ATRNL1: variants seen among roughly 807,000 people sequenced by gnomAD.
ATRNL1 encodes the protein attractin like 1.
A neutral mutation model predicts 182.7 loss-of-function variants in ATRNL1; 95 were observed. The observed-to-expected ratio is 0.52, with a 90% CI of 0.44 to 0.62. The LOEUF (loss-of-function observed/expected upper bound fraction) is 0.62. ATRNL1 is among the 20% of genes least tolerant of loss of function. ATRNL1 has a pLI of 0.00. For synonymous variants in ATRNL1, 576 were observed against 568.3 expected, an observed-to-expected ratio of 1.01 and a Z score of -0.19; for missense variants, 1,471 against 1,679.5, an observed-to-expected ratio of 0.88 and a Z score of 2.17.
chr10:115,899,410 G>A (rs1360433481), intron 28 of ATRNL1, among the ~76,000 whole-genome samples: 5 of 152,142 alleles, frequency 3.3e-5, no homozygotes, highest in Non-Finnish European at 5.9e-5. Context: ...CCAGGTTCAA[G>A]CGATTCTCCT....
At chr10:115,842,404 A>T (rs979604984) in intron 27 of ATRNL1, among the ~76,000 whole-genome samples, 1 of 152,112 alleles carries the variant, frequency 6.6e-6, no homozygotes, top group Non-Finnish European at 1.5e-5. Context: ...ATTTCACCAT[A>T]CTTAGACAAA....
intron 5 of ATRNL1, among the ~76,000 whole-genome samples, chr10:115,146,695 C>T (rs913387695): frequency 6.6e-6 from 1 of 152,054 alleles, no homozygotes; most frequent in Admixed American, 6.5e-5. Flanking sequence ...TTAACTCCCA[C>T]GTGTGAGTGA....
intron 10 of ATRNL1, among the ~76,000 whole-genome samples, chr10:115,263,885 C>G (rs1851495149): frequency 6.6e-6 from 1 of 151,620 alleles, no homozygotes; most frequent in Non-Finnish European, 1.5e-5. Flanking sequence ...TGGGAAAACA[C>G]TGTGTTAAAT....
intron 27 of ATRNL1, among the ~76,000 whole-genome samples, chr10:115,735,962 C>G (rs1947938101): frequency 6.6e-6 from 1 of 152,184 alleles, no homozygotes; most frequent in Admixed American, 6.5e-5. Context: ...TAGCTTTTCT[C>G]TCCAAAATCC....
At chr10:115,598,693 G>T (rs1555015005) in intron 26 of ATRNL1, among the ~76,000 whole-genome samples, 1 of 152,038 alleles carries the variant, frequency 6.6e-6, no homozygotes, top group Non-Finnish European at 1.5e-5. Flanking sequence ...CTTTATAAAA[G>T]TAACTATGTC....
intron 1 of ATRNL1, among the ~76,000 whole-genome samples, chr10:115,097,570 T>G (rs1592092539): frequency 1.3e-5 from 2 of 152,160 alleles, no homozygotes; most frequent in Admixed American, 1.3e-4. Context: ...GGAATTAGGT[T>G]GTTATTATAG....
intron 9 of ATRNL1, among the ~76,000 whole-genome samples, chr10:115,226,180 T>G (rs566478434): frequency 6.6e-6 from 1 of 152,006 alleles, no homozygotes; most frequent in African/African-American, 2.4e-5. Flanking sequence ...TCTTAATAAA[T>G]TGTTCTGGGC....
At chr10:115,698,003 ATAGAG>A (rs1359098097) in intron 26 of ATRNL1, among the ~76,000 whole-genome samples, 1 of 152,212 alleles carries the variant, frequency 6.6e-6, no homozygotes, top group Non-Finnish European at 1.5e-5. Flanking sequence ...AAAATGCCAG[ATAGAG>A]TATTTTGATT....
intron 20 of ATRNL1, among the ~76,000 whole-genome samples, chr10:115,408,770 G>A (rs1162013040): frequency 6.6e-6 from 1 of 152,088 alleles, no homozygotes; most frequent in African/African-American, 2.4e-5. Flanking sequence ...GAGGGGTCTA[G>A]TTTAATTCTA....
At chr10:115,652,122 T>G (rs1277993391) in intron 26 of ATRNL1, among the ~76,000 whole-genome samples, 2 of 152,128 alleles carry the variant, frequency 1.3e-5, no homozygotes, top group Non-Finnish European at 2.9e-5. Context: ...TAAAGATTTA[T>G]GCAGTTTTAA....
chr10:115,179,998 T>A lies in ATRNL1; in HGVS notation c.1348+8706T>A, dbSNP rs374137103. Reference sequence around the variant, plus strand: ...TTGTTGGATATTCTTTTAAATTTCTTTTTGAATTATGCTAACTCAGACTCA... The same window carrying A: ...TTGTTGGATATTCTTTTAAATTTCTATTTGAATTATGCTAACTCAGACTCA... On this transcript the variant is annotated intron_variant, in intron 8 of 28. Transcript: ENST00000355044. Among the ~76,000 whole-genome samples, 119 of 152,174 alleles carry A rather than the reference T, an allele frequency of 7.8e-4. 2 individuals are homozygous for A. In the South Asian group the frequency reaches 0.024, roughly 31 times the overall value.
intron 17 of ATRNL1, among the ~76,000 whole-genome samples, chr10:115,307,605 A>T (rs1316036133): frequency 6.6e-6 from 1 of 152,174 alleles, no homozygotes; most frequent in Non-Finnish European, 1.5e-5. Flanking sequence ...GTTGTGGGGA[A>T]GAAGGGCATT....
rs377465616 is a variant in ATRNL1, at chr10:115,507,586, C to A, written c.3655-11677C>A. Among the ~76,000 whole-genome samples, 40 of 152,076 alleles carry A rather than the reference C, an allele frequency of 2.6e-4. 1 individual carries two copies. In the South Asian group the frequency reaches 8.1e-3, roughly 31 times the overall value. Reference sequence around the variant, plus strand: ...GCTTCACTACTTATTGACTGGGTAACCTTCTAAGCCTTGATTTATCATCTA... The same window carrying A: ...GCTTCACTACTTATTGACTGGGTAAACTTCTAAGCCTTGATTTATCATCTA... On this transcript the variant is annotated intron_variant, in intron 24 of 28. Coordinates refer to ENST00000355044, the MANE Select transcript of ATRNL1 (RefSeq NM_207303.4).
rs1348964081 is a variant in ATRNL1, at chr10:115,727,301, T to C, written c.3849T>C (p.Asp1283=). ...QMASRPFASV[D]VALEVGAEQT... ...CCAGCCGTCCCTTTGCTTCTGTTGATGTAGCTCTGGAAGTGGGAGCTGAAC... is the reference window on the plus strand; with the variant it reads ...CCAGCCGTCCCTTTGCTTCTGTTGACGTAGCTCTGGAAGTGGGAGCTGAAC... Residue 1283 remains aspartate (D), a synonymous_variant, in exon 27 of 29, where the codon GAT becomes GAC. Coordinates refer to ENST00000355044, the MANE Select transcript of ATRNL1 (RefSeq NM_207303.4). The C allele has an allele frequency of 6.2e-7, 1 of 1,614,160 alleles. No homozygotes were observed.
At chr10:115,263,208 C>T (rs1249080315) in intron 10 of ATRNL1, among the ~76,000 whole-genome samples, 1 of 151,686 alleles carries the variant, frequency 6.6e-6, no homozygotes, top group Non-Finnish European at 1.5e-5. Context: ...GTTGAATTGA[C>T]ATTTCTCCAA....
At chr10:115,220,724 T>TGGGGGGG (rs58458401) in intron 9 of ATRNL1, among the ~76,000 whole-genome samples, 1 of 20,394 alleles carries the variant, frequency 4.9e-5, no homozygotes. Context: ...AATAAAATAA[T>TGGGGGGG]GGGGGGGGGG....
At chr10:115,696,843 A>G (rs1408764800) in intron 26 of ATRNL1, among the ~76,000 whole-genome samples, 1 of 151,626 alleles carries the variant, frequency 6.6e-6, no homozygotes, top group Non-Finnish European at 1.5e-5. Context: ...GCAAAGGGGA[A>G]GCAGGTACAG....
chr10:115,780,421 G>A (rs1169712908), intron 27 of ATRNL1, among the ~76,000 whole-genome samples: 3 of 152,208 alleles, frequency 2.0e-5, no homozygotes, highest in Admixed American at 1.3e-4. Flanking sequence ...TCCTAGTGCT[G>A]TACTGGGCCA....
intron 19 of ATRNL1, among the ~76,000 whole-genome samples, chr10:115,337,811 A>G (rs1554937180): frequency 6.6e-6 from 1 of 152,054 alleles, no homozygotes; most frequent in Non-Finnish European, 1.5e-5. Context: ...AGTCCCCAAC[A>G]TTTTTGGCAT....
Sources: gnomAD v4.1 joint callset for allele counts (sites outside exome capture counted in the v4.1 genomes callset) on GRCh38, gnomAD v4.1.1 for gene constraint, MANE v1.5 for transcripts, NCBI Gene and HGNC (gene_info 2026-07-23, HGNC 2026-07-21) for gene names.